The following DYNC1I1 variants were observed in gnomAD, a reference collection of about 807,000 sequenced individuals.
DYNC1I1 encodes the protein dynein cytoplasmic 1 intermediate chain 1, also known as cytoplasmic dynein 1 intermediate chain 1.
A neutral mutation model predicts 86.6 loss-of-function variants in DYNC1I1; 43 were observed. The ratio of observed to expected loss-of-function variants is 0.50; its 90% CI spans 0.39 to 0.64. DYNC1I1 has a LOEUF of 0.64. Ranked by LOEUF, DYNC1I1 falls within the 30% of genes least tolerant of loss-of-function variation. The pLI is 0.00. For synonymous variants in DYNC1I1, 262 were observed against 283.7 expected, an observed-to-expected ratio of 0.92 and a Z score of 0.77; for missense variants, 604 against 788.8, an observed-to-expected ratio of 0.77 and a Z score of 2.81.
chr7:95,964,015 A>C (rs1792940737), intron 6 of DYNC1I1, among the ~76,000 whole-genome samples: 1 of 152,182 alleles, frequency 6.6e-6, no homozygotes, highest in Non-Finnish European at 1.5e-5. Context: ...GAGACTTCAT[A>C]TTTGAGCCAA....
At chr7:96,050,900 T>C (rs899027102) in intron 14 of DYNC1I1, among the ~76,000 whole-genome samples, 1 of 152,158 alleles carries the variant, frequency 6.6e-6, no homozygotes, top group African/African-American at 2.4e-5. Context: ...TAAAAAAAAG[T>C]ACTAAAAATG....
At chr7:96,029,561 G>A (rs560174033) in intron 11 of DYNC1I1, among the ~76,000 whole-genome samples, 25 of 152,264 alleles carry the variant, frequency 1.6e-4, no homozygotes, top group African/African-American at 6.0e-4. Flanking sequence ...GAGTAACTTA[G>A]AGTGTGATCA....
chr7:96,049,233 G>A (rs1360395089), intron 14 of DYNC1I1, among the ~76,000 whole-genome samples: 2 of 144,326 alleles, frequency 1.4e-5, no homozygotes, highest in Non-Finnish European at 3.0e-5. Context: ...ACTCCAGCCT[G>A]GGTGACAGAG....
chr7:95,909,184 G>GA (rs532285698), intron 6 of DYNC1I1, among the ~76,000 whole-genome samples: 102 of 93,612 alleles, frequency 1.1e-3, no homozygotes, highest in Non-Finnish European at 1.5e-3. Flanking sequence ...TGAGACAGCA[G>GA]AAAAAAAAAA....
intron 6 of DYNC1I1, among the ~76,000 whole-genome samples, chr7:95,880,349 T>C (rs1458324812): frequency 6.6e-6 from 1 of 152,116 alleles, no homozygotes; most frequent in Non-Finnish European, 1.5e-5. Flanking sequence ...CACTCTACCC[T>C]GCATACTCCA....
At chr7:95,902,050 T>A (rs539015535) in intron 6 of DYNC1I1, among the ~76,000 whole-genome samples, 1 of 152,214 alleles carries the variant, frequency 6.6e-6, no homozygotes, top group Non-Finnish European at 1.5e-5. Context: ...GTATAAGCAG[T>A]GCAATCTTTG....
intron 10 of DYNC1I1, among the ~76,000 whole-genome samples, chr7:96,022,765 T>A (rs1794584753): frequency 6.6e-6 from 1 of 151,986 alleles, no homozygotes; most frequent in Non-Finnish European, 1.5e-5. Context: ...CTCAGGAGGC[T>A]GAGACAGGAG....
chr7:95,874,421 T>C (rs1264415491), intron 6 of DYNC1I1, among the ~76,000 whole-genome samples: 1 of 152,110 alleles, frequency 6.6e-6, no homozygotes, highest in Non-Finnish European at 1.5e-5. Context: ...AGATATGAGA[T>C]ACTTGATAGA....
intron 3 of DYNC1I1, 101 bp downstream of exon 3, chr7:95,810,607 A>T: frequency 1.0e-6 from 1 of 990,928 alleles, no homozygotes; most frequent in African/African-American, 1.7e-5. Flanking sequence ...GTTTTTTTTA[A>T]TTTTTATTTT....
intron 7 of DYNC1I1, among the ~76,000 whole-genome samples, chr7:95,984,050 ACT>A (rs1374167242): frequency 6.6e-6 from 1 of 152,068 alleles, no homozygotes. Context: ...CCAAATGGTG[ACT>A]CTAAGGTGAG....
At chr7:95,852,730 T>C (rs1261053037) in intron 5 of DYNC1I1, among the ~76,000 whole-genome samples, 3 of 152,148 alleles carry the variant, frequency 2.0e-5, no homozygotes, top group African/African-American at 7.2e-5. Context: ...GGTCTTGAAC[T>C]CCTGACCTCA....
intron 1 of DYNC1I1, among the ~76,000 whole-genome samples, chr7:95,794,732 T>C (rs1457697653): frequency 6.6e-6 from 1 of 152,138 alleles, no homozygotes. Flanking sequence ...TAGCTCAGAA[T>C]CATAAAACAG....
intron 6 of DYNC1I1, among the ~76,000 whole-genome samples, chr7:95,890,014 A>G (rs1790694830): frequency 6.6e-6 from 1 of 152,214 alleles, no homozygotes; most frequent in Non-Finnish European, 1.5e-5. Flanking sequence ...AATTAGTTCA[A>G]CTGTTGTGGA....
chr7:95,936,418 T>A (rs563854600), intron 6 of DYNC1I1, among the ~76,000 whole-genome samples: 11 of 152,042 alleles, frequency 7.2e-5, no homozygotes, highest in Non-Finnish European at 1.5e-4. Flanking sequence ...ATCCATAGAC[T>A]GGGAAGTTGG....
chr7:95,934,745 C>T (rs1190157304), intron 6 of DYNC1I1, among the ~76,000 whole-genome samples: 2 of 152,010 alleles, frequency 1.3e-5, no homozygotes, highest in African/African-American at 4.8e-5. Context: ...TTCTCCTTGC[C>T]TCTCCTTGAA....
In DYNC1I1 at chr7:95,843,122, G is replaced by A. The variant is rs534084588; in HGVS notation, c.374+15006G>A. On this transcript the variant is annotated intron_variant, in intron 5 of 16. Coordinates refer to ENST00000447467, the MANE Select transcript of DYNC1I1 (RefSeq NM_001135556.2). ...AATCTTAAGGTTTTCCAGTTTGACT[G>A]GCGTGAACAGAAACTATTCTTATTC... 5.9e-5 allele frequency among the ~76,000 whole-genome samples: 9 copies of A among 152,250 alleles called. No homozygotes were observed. In the South Asian group the frequency reaches 1.9e-3, roughly 32 times the overall value.
chr7:95,939,641 AT>A (rs1255267012), intron 6 of DYNC1I1, among the ~76,000 whole-genome samples: 7 of 149,430 alleles, frequency 4.7e-5, no homozygotes, highest in African/African-American at 1.2e-4. Flanking sequence ...TTTGTTTTCC[AT>A]TTGCTTGGTA....
chr7:96,048,973 T>C (rs936483869), intron 14 of DYNC1I1, among the ~76,000 whole-genome samples: 5 of 152,112 alleles, frequency 3.3e-5, no homozygotes, highest in African/African-American at 7.2e-5. Context: ...AAATTACTAA[T>C]CACAGGCCGG....
intron 14 of DYNC1I1, among the ~76,000 whole-genome samples, chr7:96,064,927 CAA>C (rs894175131): frequency 1.2e-4 from 16 of 134,902 alleles, no homozygotes; most frequent in Admixed American, 3.7e-4. Flanking sequence ...GGTCTTAAGG[CAA>C]AAAAAAAAAG....
Sources: gnomAD v4.1 joint callset for allele counts (sites outside exome capture counted in the v4.1 genomes callset) on GRCh38, gnomAD v4.1.1 for gene constraint, MANE v1.5 for transcripts, NCBI Gene and HGNC (gene_info 2026-07-23, HGNC 2026-07-21) for gene names.